The following ZC3H12B variants were observed in gnomAD, a reference collection of about 807,000 sequenced individuals.
ZC3H12B encodes zinc finger CCCH-type containing 12B.
ZC3H12B carries 7 observed loss-of-function variants against 43.9 expected under a neutral mutation model. The ratio of observed to expected loss-of-function variants is 0.16; its 90% CI spans 0.09 to 0.30. The LOEUF (loss-of-function observed/expected upper bound fraction) is 0.30. ZC3H12B is among the 10% of genes least tolerant of loss of function. The pLI, the probability that ZC3H12B is intolerant of heterozygous loss-of-function variation, is 1.00. For missense variants in ZC3H12B, 475 were observed against 670.2 expected, an observed-to-expected ratio of 0.71 and a Z score of 3.22; for synonymous variants, 222 against 241.7, an observed-to-expected ratio of 0.92 and a Z score of 0.76.
At chrX:65,224,448 CAGA>C in the ZC3H12B span, among the ~76,000 whole-genome samples, 4 of 112,498 alleles carry the variant, frequency 3.6e-5, no homozygotes, top group South Asian at 7.2e-4. Context: ...ATGAGCAACG[CAGA>C]AGATGTGTGA....
At chrX:65,121,456 C>T in the ZC3H12B span, among the ~76,000 whole-genome samples, 5 of 111,710 alleles carry the variant, frequency 4.5e-5, no homozygotes, top group East Asian at 5.7e-4. Flanking sequence ...TTATAGTATT[C>T]TCTGATGGTA....
the ZC3H12B span, among the ~76,000 whole-genome samples, chrX:65,055,094 T>C: frequency 9.0e-6 from 1 of 111,324 alleles, no homozygotes; most frequent in African/African-American, 3.3e-5. Context: ...TCCTGCCTGA[T>C]TGCGCTGGCC....
At chrX:65,215,123 C>T in the ZC3H12B span, among the ~76,000 whole-genome samples, 4 of 111,936 alleles carry the variant, frequency 3.6e-5, no homozygotes, top group Non-Finnish European at 7.5e-5. Flanking sequence ...TGTCCATTTA[C>T]AAAGCACATG....
chrX:65,155,204 C>T, the ZC3H12B span, among the ~76,000 whole-genome samples: 2 of 110,606 alleles, frequency 1.8e-5, no homozygotes, highest in Non-Finnish European at 3.8e-5. Flanking sequence ...GCCATCTGCC[C>T]ACCTTGGCCT....
At chrX:65,327,043 G>C in the ZC3H12B span, among the ~76,000 whole-genome samples, 1 of 111,231 alleles carries the variant, frequency 9.0e-6, no homozygotes, top group Admixed American at 9.6e-5. Flanking sequence ...AATTAGTACA[G>C]TCATTATGAA....
chrX:65,051,978 T>G, the ZC3H12B span, among the ~76,000 whole-genome samples: 1 of 110,801 alleles, frequency 9.0e-6, no homozygotes, highest in Non-Finnish European at 1.9e-5. Context: ...AAGACCAGTT[T>G]TTTTAAGTTT....
intron 2 of ZC3H12B, among the ~76,000 whole-genome samples, chrX:65,383,212 G>C (rs1158291958): frequency 8.9e-6 from 1 of 111,820 alleles, no homozygotes; most frequent in Non-Finnish European, 1.9e-5. Flanking sequence ...ATACTACAAG[G>C]CTACAGTAAC....
chrX:65,175,587 G>A, the ZC3H12B span, among the ~76,000 whole-genome samples: 1 of 111,841 alleles, frequency 8.9e-6, no homozygotes, highest in South Asian at 3.7e-4. Context: ...CTGGTAGCTG[G>A]CAAGATGGCC....
chrX:65,136,812 G>T, the ZC3H12B span, among the ~76,000 whole-genome samples: 1 of 111,338 alleles, frequency 9.0e-6, no homozygotes, highest in Admixed American at 9.6e-5. Context: ...TATATATAAT[G>T]TTCAAGAGTT....
the ZC3H12B span, among the ~76,000 whole-genome samples, chrX:65,332,955 G>C: frequency 1.8e-5 from 2 of 111,697 alleles, no homozygotes; most frequent in South Asian, 3.7e-4. Context: ...TGTCACATAA[G>C]CTCTTTTTAA....
At chrX:65,256,628 C>A in the ZC3H12B span, among the ~76,000 whole-genome samples, 1 of 110,875 alleles carries the variant, frequency 9.0e-6, no homozygotes, top group Admixed American at 9.6e-5. Flanking sequence ...ACCTAGAGGA[C>A]CTAGGGAAAC....
chrX:65,183,562 A>G, the ZC3H12B span, among the ~76,000 whole-genome samples: 1 of 111,909 alleles, frequency 8.9e-6, no homozygotes, highest in African/African-American at 3.2e-5. Context: ...AAGTTAAGAA[A>G]ATTATACATA....
intron 3 of ZC3H12B, among the ~76,000 whole-genome samples, chrX:65,406,170 CCAGA>C (rs1317439081): frequency 6.3e-5 from 7 of 110,471 alleles, no homozygotes; most frequent in African/African-American, 1.3e-4. Flanking sequence ...GAAACCAAAA[CCAGA>C]CAAAGACACA....
At chrX:65,374,686 T>A (rs761961206) in intron 2 of ZC3H12B, among the ~76,000 whole-genome samples, 14 of 111,037 alleles carry the variant, frequency 1.3e-4, no homozygotes, top group Non-Finnish European at 2.3e-4. Context: ...TGCCCGATAC[T>A]GGGTAATTTA....
At chrX:65,236,487 C>T in the ZC3H12B span, among the ~76,000 whole-genome samples, 71 of 111,342 alleles carry the variant, frequency 6.4e-4, no homozygotes, top group East Asian at 0.019. Flanking sequence ...TTTTCTCTTT[C>T]TCTGTAGGTT....
chrX:65,427,504 T>A (rs2067098401), intron 3 of ZC3H12B, among the ~76,000 whole-genome samples: 1 of 110,742 alleles, frequency 9.0e-6, no homozygotes, highest in Admixed American at 9.6e-5. Flanking sequence ...AATTTTTCTA[T>A]TTTTAGTAGA....
At chrX:65,098,741 C>G in the ZC3H12B span, among the ~76,000 whole-genome samples, 1 of 111,194 alleles carries the variant, frequency 9.0e-6, no homozygotes, top group African/African-American at 3.3e-5. Flanking sequence ...AATCCGCAGA[C>G]CAGGAGATTT....
At chrX:65,374,718 A>T (rs748257247) in intron 2 of ZC3H12B, among the ~76,000 whole-genome samples, 1 of 111,233 alleles carries the variant, frequency 9.0e-6, no homozygotes, top group African/African-American at 3.3e-5. Flanking sequence ...AGTTTAATTG[A>T]CTTAGGTTCT....
the ZC3H12B span, among the ~76,000 whole-genome samples, chrX:65,121,248 T>C: frequency 1.8e-5 from 2 of 111,746 alleles, no homozygotes; most frequent in African/African-American, 6.5e-5. Flanking sequence ...CTTTTACCTC[T>C]GGTGGAATTC....
Sources: gnomAD v4.1 joint callset for allele counts (sites outside exome capture counted in the v4.1 genomes callset) on GRCh38, gnomAD v4.1.1 for gene constraint, MANE v1.5 for transcripts, NCBI Gene and HGNC (gene_info 2026-07-23, HGNC 2026-07-21) for gene names.